Variants in DSCAM observed in about 807,000 individuals in gnomAD.
DSCAM encodes DS cell adhesion molecule, also known as cell adhesion molecule DSCAM.
A neutral mutation model predicts 217.7 loss-of-function variants in DSCAM; 47 were observed. The observed-to-expected ratio is 0.22, with a 90% CI of 0.17 to 0.28. The LOEUF (loss-of-function observed/expected upper bound fraction) is 0.28, where lower values mean the gene tolerates loss of function less well. DSCAM is among the 10% of genes least tolerant of loss of function. The pLI, the probability that DSCAM is intolerant of heterozygous loss-of-function variation, is 1.00. For synonymous variants in DSCAM, 1,056 were observed against 1,015.3 expected (o/e 1.04, Z -0.76); for missense variants, 2,080 against 2,618.3 (o/e 0.79, Z 4.49).
At chr21:40,362,107 A>C (rs972329482) in intron 4 of DSCAM, among the ~76,000 whole-genome samples, 5 of 152,066 alleles carry the variant, frequency 3.3e-5, no homozygotes, top group African/African-American at 4.8e-5. Flanking sequence ...TGAACTCATC[A>C]TTTTTTATGG....
At chr21:40,179,171 AG>A in intron 14 of DSCAM, 77 bp from the exon 15 acceptor site, 1 of 343,956 alleles carries the variant, frequency 2.9e-6, no homozygotes, top group Non-Finnish European at 5.0e-6. Flanking sequence ...GTTCACAAGT[AG>A]GAATTAAAAA....
At chr21:40,110,160 C>T (rs986970587) in intron 20 of DSCAM, among the ~76,000 whole-genome samples, 1 of 152,190 alleles carries the variant, frequency 6.6e-6, no homozygotes, top group Admixed American at 6.5e-5. Flanking sequence ...AACTGGGAGG[C>T]ACCCACCAGT....
chr21:40,772,050 G>C (rs562168182), intron 1 of DSCAM, among the ~76,000 whole-genome samples: 1 of 151,878 alleles, frequency 6.6e-6, no homozygotes, highest in Admixed American at 6.6e-5. Context: ...TCAGGTGGAC[G>C]GGAATTGACA....
At chr21:40,432,046 C>A (rs2075538220) in intron 3 of DSCAM, among the ~76,000 whole-genome samples, 1 of 151,758 alleles carries the variant, frequency 6.6e-6, no homozygotes, top group African/African-American at 2.4e-5. Context: ...TTAAAAAATA[C>A]AAAAAAATTC....
chr21:40,670,376 A>AAG, intron 3 of DSCAM, among the ~76,000 whole-genome samples: 2 of 31,804 alleles, frequency 6.3e-5, no homozygotes, highest in Admixed American at 7.0e-4. Context: ...TCTCTACTAA[A>AAG]ACAAAAAAAA....
intron 1 of DSCAM, among the ~76,000 whole-genome samples, chr21:40,814,681 G>A (rs2091866119): frequency 6.6e-6 from 1 of 152,186 alleles, no homozygotes; most frequent in South Asian, 2.1e-4. Flanking sequence ...AAACGAAGAT[G>A]AGACGTTGAC....
intron 16 of DSCAM, among the ~76,000 whole-genome samples, chr21:40,163,953 T>C (rs2090567189): frequency 6.6e-6 from 1 of 152,174 alleles, no homozygotes; most frequent in African/African-American, 2.4e-5. Flanking sequence ...TATGGAACAC[T>C]TGTCTTCTAG....
intron 3 of DSCAM, among the ~76,000 whole-genome samples, chr21:40,380,349 A>AT (rs1241128091): frequency 6.6e-6 from 1 of 152,222 alleles, no homozygotes; most frequent in East Asian, 1.9e-4. Flanking sequence ...CACTTCAAGA[A>AT]TTTTTTATTA....
At chr21:40,332,954 C>T (rs1012594834) in intron 8 of DSCAM, among the ~76,000 whole-genome samples, 3 of 152,154 alleles carry the variant, frequency 2.0e-5, no homozygotes, top group South Asian at 2.1e-4. Context: ...GTATTTAAAA[C>T]GAACCTCCTG....
chr21:40,488,469 C>T (rs2076048468), intron 3 of DSCAM, among the ~76,000 whole-genome samples: 1 of 152,182 alleles, frequency 6.6e-6, no homozygotes, highest in African/African-American at 2.4e-5. Context: ...AACTGCTGAA[C>T]TCTGAAGTTT....
Position 40,306,273 on chromosome 21 carries a change from G to T in DSCAM, c.2062+5808C>A, listed in dbSNP as rs910280736. Among the ~76,000 whole-genome samples, 6 of 145,550 alleles carry T rather than the reference G, an allele frequency of 4.1e-5. No homozygotes were observed. In the East Asian group the frequency reaches 6.8e-4, roughly 16 times the overall value. ...GTTATTGGTATATAAGAATGCTTGT[G>T]ATTTTTGTACATTGATTTTGTATCC... On this transcript the variant is annotated intron_variant, in intron 9 of 32. Transcript: ENST00000400454.
intron 10 of DSCAM, among the ~76,000 whole-genome samples, chr21:40,294,875 T>C (rs1402632698): frequency 6.6e-6 from 1 of 152,148 alleles, no homozygotes; most frequent in African/African-American, 2.4e-5. Flanking sequence ...ACATGGACAG[T>C]GGATGTGGTG....
intron 16 of DSCAM, among the ~76,000 whole-genome samples, chr21:40,157,887 T>A (rs2090496871): frequency 6.6e-6 from 1 of 151,180 alleles, no homozygotes; most frequent in African/African-American, 2.4e-5. Flanking sequence ...AGAGATGAGG[T>A]CTCACTATGT....
At chr21:40,463,308 TA>T (rs2075820138) in intron 3 of DSCAM, among the ~76,000 whole-genome samples, 1 of 152,146 alleles carries the variant, frequency 6.6e-6, no homozygotes, top group African/African-American at 2.4e-5. Context: ...GAGCTGGACA[TA>T]GCTGAACATC....
chr21:40,437,011 C>T (rs571366453), intron 3 of DSCAM, among the ~76,000 whole-genome samples: 1 of 152,160 alleles, frequency 6.6e-6, no homozygotes, highest in African/African-American at 2.4e-5. Context: ...TAGTGTGTTA[C>T]ACTTACTGCA....
chr21:40,356,300 A>G (rs1477032443), intron 4 of DSCAM, among the ~76,000 whole-genome samples: 1 of 152,022 alleles, frequency 6.6e-6, no homozygotes, highest in Non-Finnish European at 1.5e-5. Flanking sequence ...TTGATCTTAA[A>G]CATTGTCATC....
At chr21:40,824,158 C>A (rs2091950001) in intron 1 of DSCAM, among the ~76,000 whole-genome samples, 1 of 152,032 alleles carries the variant, frequency 6.6e-6, no homozygotes, top group Admixed American at 6.5e-5. Flanking sequence ...AGGTCAGTAC[C>A]CAGCCGCCAT....
At chr21:40,066,285 T>C (rs2089205760) in intron 27 of DSCAM, among the ~76,000 whole-genome samples, 2 of 152,248 alleles carry the variant, frequency 1.3e-5, no homozygotes, top group African/African-American at 2.4e-5. Flanking sequence ...GTGAGAGACA[T>C]CTTCCTTTTC....
At chr21:40,385,117 T>G (rs1601604367) in intron 3 of DSCAM, 1 of 152,200 alleles carries the variant, frequency 6.6e-6, no homozygotes, top group East Asian at 1.9e-4. Flanking sequence ...CACATAGCTG[T>G]GACAATGAAC....
Sources: gnomAD v4.1 joint callset for allele counts (sites outside exome capture counted in the v4.1 genomes callset) on GRCh38, gnomAD v4.1.1 for gene constraint, MANE v1.5 for transcripts, NCBI Gene and HGNC (gene_info 2026-07-23, HGNC 2026-07-21) for gene names.